Variants in PRTFDC1 observed in about 807,000 individuals in gnomAD.
The protein encoded by PRTFDC1 is phosphoribosyltransferase domain-containing protein 1.
PRTFDC1 carries 38 observed loss-of-function variants against 34.6 expected under a neutral mutation model. The observed-to-expected ratio is 1.10, with a 90% CI of 0.85 to 1.44. The LOEUF (loss-of-function observed/expected upper bound fraction) is 1.44. PRTFDC1 is among the 40% of genes most tolerant of loss of function. The pLI is 0.00. For missense variants in PRTFDC1, 270 were observed against 283.0 expected (o/e 0.95, Z 0.33); for synonymous variants, 93 against 98.1 (o/e 0.95, Z 0.31).
intron 3 of PRTFDC1, among the ~76,000 whole-genome samples, chr10:24,933,606 G>A (rs1042810866): frequency 6.6e-6 from 1 of 151,634 alleles, no homozygotes; most frequent in African/African-American, 2.4e-5. Context: ...AATACTAAGT[G>A]TTATTGAAAA....
chr10:24,921,051 GT>G, intron 3 of PRTFDC1, among the ~76,000 whole-genome samples: 1 of 151,676 alleles, frequency 6.6e-6, no homozygotes, highest in East Asian at 1.9e-4. Flanking sequence ...CACTTTCATG[GT>G]TAAGTATTTC....
intron 3 of PRTFDC1, among the ~76,000 whole-genome samples, chr10:24,880,858 T>G: frequency 6.7e-6 from 1 of 150,234 alleles, no homozygotes; most frequent in Non-Finnish European, 1.5e-5. Flanking sequence ...TTTCTTTCTT[T>G]CTTTCTTTCT....
intron 3 of PRTFDC1, among the ~76,000 whole-genome samples, chr10:24,897,185 GAC>G (rs1006836781): frequency 6.6e-6 from 1 of 151,932 alleles, no homozygotes; most frequent in Non-Finnish European, 1.5e-5. Flanking sequence ...ACTCCAGCCT[GAC>G]AGAGCAAGAA....
chr10:24,905,767 C>A (rs958873621), intron 3 of PRTFDC1, among the ~76,000 whole-genome samples: 1 of 152,090 alleles, frequency 6.6e-6, no homozygotes, highest in African/African-American at 2.4e-5. Context: ...TGTATTCCAT[C>A]AGTTATCTAT....
At chr10:24,866,378 AAAG>A (rs1847776781) in intron 4 of PRTFDC1, among the ~76,000 whole-genome samples, 2 of 150,136 alleles carry the variant, frequency 1.3e-5, no homozygotes, top group East Asian at 1.9e-4. Context: ...AAAAAAAAAA[AAAG>A]AAAAAAAAAC....
chr10:24,948,788 C>T (rs1465168039), intron 1 of PRTFDC1, among the ~76,000 whole-genome samples: 1 of 152,202 alleles, frequency 6.6e-6, no homozygotes, highest in Non-Finnish European at 1.5e-5. Context: ...CTTCACCAGC[C>T]TTAGCTCAAA....
chr10:24,878,931 CT>C (rs1381663586), intron 3 of PRTFDC1, among the ~76,000 whole-genome samples: 1 of 152,118 alleles, frequency 6.6e-6, no homozygotes, highest in Non-Finnish European at 1.5e-5. Context: ...TGCTTTTCCC[CT>C]TTTTTCATCC....
chr10:24,927,351 G>A (rs1848893268), intron 3 of PRTFDC1, among the ~76,000 whole-genome samples: 1 of 152,046 alleles, frequency 6.6e-6, no homozygotes, highest in African/African-American at 2.4e-5. Flanking sequence ...TTATGTTCTG[G>A]TTTTCATAAA....
intron 3 of PRTFDC1, among the ~76,000 whole-genome samples, chr10:24,920,000 T>C (rs940013726): frequency 4.6e-5 from 7 of 152,048 alleles, no homozygotes; most frequent in South Asian, 4.2e-4. Context: ...TATGGAGAAA[T>C]AGGAAAGCTT....
intron 3 of PRTFDC1, among the ~76,000 whole-genome samples, chr10:24,892,982 C>T (rs1848290895): frequency 6.6e-6 from 1 of 152,136 alleles, no homozygotes; most frequent in Non-Finnish European, 1.5e-5. Flanking sequence ...TCTCTTAAAA[C>T]CCTGGGATCT....
At chr10:24,853,367 T>C (rs979695184) in intron 7 of PRTFDC1, among the ~76,000 whole-genome samples, 1 of 151,408 alleles carries the variant, frequency 6.6e-6, no homozygotes, top group Non-Finnish European at 1.5e-5. Context: ...ATCCCAGCAC[T>C]TTGAGAGGCT....
At chr10:24,933,290 CTT>C (rs1016158391) in intron 3 of PRTFDC1, among the ~76,000 whole-genome samples, 4 of 151,752 alleles carry the variant, frequency 2.6e-5, no homozygotes, top group Non-Finnish European at 5.9e-5. Flanking sequence ...TAATAATGCT[CTT>C]TGAAAAACAA....
At chr10:24,908,845 A>C (rs1035281420) in intron 3 of PRTFDC1, 32 of 1,207,634 alleles carry the variant, frequency 2.6e-5, no homozygotes, top group Non-Finnish European at 3.5e-5. Context: ...GATTCCAGCC[A>C]CCTCAAGAAA....
intron 3 of PRTFDC1, among the ~76,000 whole-genome samples, chr10:24,909,519 C>T (rs1848594636): frequency 6.6e-6 from 1 of 152,068 alleles, no homozygotes; most frequent in Admixed American, 6.6e-5. Context: ...CTAGCAGAAT[C>T]ACTGATGCAG....
chr10:24,870,897 C>T (rs765086494), intron 4 of PRTFDC1, among the ~76,000 whole-genome samples: 2 of 151,708 alleles, frequency 1.3e-5, no homozygotes, highest in Non-Finnish European at 2.9e-5. Context: ...CATGGTGAAA[C>T]CCCGTCTCTA....
chr10:24,942,576 T>C, intron 1 of PRTFDC1, 140 bp from the exon 2 acceptor site: 1 of 685,662 alleles, frequency 1.5e-6, no homozygotes, highest in Non-Finnish European at 2.6e-6. Context: ...TTCCACAACC[T>C]GATACAAGGC....
intron 3 of PRTFDC1, among the ~76,000 whole-genome samples, chr10:24,879,671 A>T (rs1032043051): frequency 3.3e-5 from 5 of 152,126 alleles, no homozygotes; most frequent in African/African-American, 1.2e-4. Flanking sequence ...TCTAAAGAAG[A>T]CACTGGGGAG....
intron 3 of PRTFDC1, among the ~76,000 whole-genome samples, chr10:24,881,533 A>G (rs1848079511): frequency 6.6e-6 from 1 of 152,210 alleles, no homozygotes; most frequent in Admixed American, 6.5e-5. Flanking sequence ...CTGTGGTAGA[A>G]CATGAGCATG....
chr10:24,894,038 A>G (rs1848307605), intron 3 of PRTFDC1, among the ~76,000 whole-genome samples: 1 of 152,156 alleles, frequency 6.6e-6, no homozygotes, highest in Non-Finnish European at 1.5e-5. Context: ...AAGTGTGAAA[A>G]TAGGACTTCA....
Sources: allele counts gnomAD v4.1 joint callset (sites outside exome capture counted in the v4.1 genomes callset), GRCh38; gene constraint gnomAD v4.1.1; transcripts MANE v1.5; gene names NCBI Gene and HGNC (gene_info 2026-07-23, HGNC 2026-07-21).